CHMP4B: variants seen among roughly 807,000 people sequenced by gnomAD.
CHMP4B encodes the protein charged multivesicular body protein 4B, also known as SNF7 homolog associated with Alix 1.
A neutral mutation model predicts 25.1 loss-of-function variants in CHMP4B; 1 was observed. The observed-to-expected ratio is 0.04, with a 90% CI of 0.01 to 0.19. The LOEUF is 0.19. CHMP4B is among the 10% of genes least tolerant of loss of function. The probability of loss-of-function intolerance (pLI) is 1.00; values close to 1 mark genes in which losing one functional copy is unlikely to be tolerated. For missense variants in CHMP4B, 151 were observed against 289.7 expected, an observed-to-expected ratio of 0.52 and a Z score of 3.48; for synonymous variants, 101 against 115.6, an observed-to-expected ratio of 0.87 and a Z score of 0.81.
At chr20:33,852,640 G>C (rs1483267796) in intron 4 of CHMP4B, among the ~76,000 whole-genome samples, 4 of 152,186 alleles carry the variant, frequency 2.6e-5, no homozygotes, top group Non-Finnish European at 5.9e-5. Flanking sequence ...CCAGTTGAGA[G>C]CCTCTTTTCT....
chr20:33,833,426 C>T (rs1028782277), intron 1 of CHMP4B, among the ~76,000 whole-genome samples: 1 of 152,202 alleles, frequency 6.6e-6, no homozygotes, highest in African/African-American at 2.4e-5. Flanking sequence ...TCACCCTCTC[C>T]TGGTCAGCCC....
chr20:33,847,732 G>A (rs140494221), intron 1 of CHMP4B, among the ~76,000 whole-genome samples: 10 of 152,300 alleles, frequency 6.6e-5, no homozygotes, highest in Non-Finnish European at 1.2e-4. Flanking sequence ...TCTTGTTTTC[G>A]ATGATGGAGG....
chr20:33,834,751 A>G (rs1278074399), intron 1 of CHMP4B, among the ~76,000 whole-genome samples: 1 of 152,108 alleles, frequency 6.6e-6, no homozygotes, highest in Non-Finnish European at 1.5e-5. Flanking sequence ...TTTAGTTCCT[A>G]AATGTGTGGG....
intron 1 of CHMP4B, among the ~76,000 whole-genome samples, chr20:33,826,182 G>T (rs556751061): frequency 1.1e-4 from 17 of 152,298 alleles, no homozygotes; most frequent in Non-Finnish European, 1.5e-4. Flanking sequence ...GAAGGAGGAA[G>T]AAGTGAATTC....
At chr20:33,833,889 G>A (rs1427310847) in intron 1 of CHMP4B, among the ~76,000 whole-genome samples, 1 of 152,172 alleles carries the variant, frequency 6.6e-6, no homozygotes, top group East Asian at 1.9e-4. Context: ...CCTTGGGACT[G>A]TATCATTTTT....
intron 1 of CHMP4B, among the ~76,000 whole-genome samples, chr20:33,829,021 A>C (rs181650747): frequency 1.2e-4 from 19 of 152,304 alleles, no homozygotes; most frequent in Non-Finnish European, 2.1e-4. Flanking sequence ...ATGTTTCCCA[A>C]ACACCTTGTA....
At position 33,852,649 on chromosome 20, in the gene CHMP4B, C is replaced by T. The variant is rs186191721; in HGVS notation, c.610+446C>T. ...TCACCCCCAGTTGAGAGCCTCTTTT[C>T]TAGAATGATTTTCCTATTTCACTAA... On this transcript the variant is annotated intron_variant, in intron 4 of 4. Transcript: ENST00000217402. 2.6e-3 allele frequency among the ~76,000 whole-genome samples: 402 copies of T among 152,276 alleles called. 2 individuals are homozygous for T. Among genetic ancestry groups the T allele is most frequent in the African/African-American group, 9.3e-3 (386 of 41,542 alleles).
chr20:33,832,436 A>C (rs1366955770), intron 1 of CHMP4B, among the ~76,000 whole-genome samples: 2 of 152,154 alleles, frequency 1.3e-5, no homozygotes, highest in Non-Finnish European at 2.9e-5. Flanking sequence ...CGAGGGCCAC[A>C]CCAAAGCGCC....
At chr20:33,823,395 G>A (rs962693972) in intron 1 of CHMP4B, among the ~76,000 whole-genome samples, 1 of 151,870 alleles carries the variant, frequency 6.6e-6, no homozygotes, top group African/African-American at 2.4e-5. Flanking sequence ...ATATTCCATA[G>A]GATCTCAGCT....
At chr20:33,832,774 G>T (rs897828158) in intron 1 of CHMP4B, among the ~76,000 whole-genome samples, 74 of 120,728 alleles carry the variant, frequency 6.1e-4, no homozygotes, top group African/African-American at 2.2e-3. Context: ...TACAATAAAT[G>T]ATTTTTTTTT....
intron 1 of CHMP4B, among the ~76,000 whole-genome samples, chr20:33,825,409 C>T (rs6057913): frequency 1.7e-4 from 26 of 152,194 alleles, no homozygotes; most frequent in African/African-American, 5.8e-4. Context: ...ATTCACAGAG[C>T]GCTGGAGTGA....
intron 1 of CHMP4B, among the ~76,000 whole-genome samples, chr20:33,847,018 T>C (rs916481162): frequency 2.0e-5 from 3 of 152,128 alleles, no homozygotes; most frequent in South Asian, 2.1e-4. Flanking sequence ...CATATGTACA[T>C]GTGGAAATCC....
chr20:33,814,926 C>T (rs773192019), intron 1 of CHMP4B, among the ~76,000 whole-genome samples: 67 of 152,224 alleles, frequency 4.4e-4, no homozygotes, highest in Admixed American at 1.8e-3. Flanking sequence ...GTTGGGATTA[C>T]AGCCACTGTG....
intron 1 of CHMP4B, among the ~76,000 whole-genome samples, chr20:33,816,050 C>T (rs557774257): frequency 2.0e-5 from 3 of 152,316 alleles, no homozygotes; most frequent in Non-Finnish European, 2.9e-5. Flanking sequence ...TGAAACAGAC[C>T]TCAGAAGCTT....
At chr20:33,817,462 C>T (rs1978813172) in intron 1 of CHMP4B, among the ~76,000 whole-genome samples, 1 of 152,194 alleles carries the variant, frequency 6.6e-6, no homozygotes, top group Admixed American at 6.5e-5. Context: ...ACGTGAAGAC[C>T]TGTGAGCAGG....
chr20:33,821,108 C>T (rs557764140), intron 1 of CHMP4B, among the ~76,000 whole-genome samples: 193 of 152,158 alleles, frequency 1.3e-3, no homozygotes, highest in Middle Eastern at 3.4e-3. Context: ...CTGGTTTGGC[C>T]GGGTGCGGTG....
At chr20:33,820,457 T>A (rs752963313) in intron 1 of CHMP4B, among the ~76,000 whole-genome samples, 1 of 152,202 alleles carries the variant, frequency 6.6e-6, no homozygotes, top group Non-Finnish European at 1.5e-5. Flanking sequence ...ATGAATCTAT[T>A]TGATAGATAA....
chr20:33,811,720 C>G (rs955881062), intron 1 of CHMP4B, 62 bp downstream of exon 1: 94 of 1,530,370 alleles, frequency 6.1e-5, no homozygotes, highest in Non-Finnish European at 7.8e-5. Flanking sequence ...CGGGCCCGGA[C>G]TTCACCTTCA....
At position 33,851,932 on chromosome 20, in the gene CHMP4B, C is replaced by T. The variant is rs1019872751; in HGVS notation, c.484-145C>T. On this transcript the variant is annotated intron_variant, in intron 3 of 4. Transcript: ENST00000217402. ...AGAAGCTGCTTTAGGATATTTGAAT[C>T]ACAGGGTCTGGAACCTGGAATTCAC... 28 of 1,026,958 alleles carry T rather than the reference C, an allele frequency of 2.7e-5. No individual in the cohort carries two copies. The African/African-American group carries it at 3.9e-4, about 14-fold the overall frequency. The allele number at this position is 1,026,958 out of a possible 1,614,324, so 63.6% of individuals were successfully genotyped here.
Sources: allele counts gnomAD v4.1 joint callset (sites outside exome capture counted in the v4.1 genomes callset), GRCh38; gene constraint gnomAD v4.1.1; transcripts MANE v1.5; gene names NCBI Gene and HGNC (gene_info 2026-07-23, HGNC 2026-07-21).